The following PDE4D variants were observed in gnomAD, a reference collection of about 807,000 sequenced individuals.
PDE4D encodes 3',5'-cyclic-AMP phosphodiesterase 4D.
PDE4D carries 24 observed loss-of-function variants against 87.4 expected under a neutral mutation model. The observed-to-expected ratio is 0.27, with a 90% CI of 0.20 to 0.39. The LOEUF (loss-of-function observed/expected upper bound fraction) is 0.39, where lower values mean the gene tolerates loss of function less well. Among genes scored for constraint, PDE4D ranks in the 10% least tolerant of loss-of-function variants. The pLI is 1.00. For synonymous variants in PDE4D, 384 were observed against 383.2 expected, an observed-to-expected ratio of 1.00 and a Z score of -0.02; for missense variants, 714 against 1,041.0, an observed-to-expected ratio of 0.69 and a Z score of 4.32.
intron 2 of PDE4D, among the ~76,000 whole-genome samples, chr5:59,992,134 A>C (rs1582081055): frequency 6.6e-6 from 1 of 152,024 alleles, no homozygotes; most frequent in Admixed American, 6.6e-5. Flanking sequence ...GTTCTTAAAC[A>C]GGTGGACTCT....
At position 59,423,273 on chromosome 5, in the gene PDE4D, GTACT is replaced by G. The variant is rs1794734305; in HGVS notation, c.456-207309_456-207306del. 3.9e-5 allele frequency among the ~76,000 whole-genome samples: 6 copies of G among 152,262 alleles called. No homozygotes were observed. The South Asian group carries it at 1.2e-3, about 32-fold the overall frequency. ...TCTCCAAACACTCAGACTATGTTAG[GTACT>G]TATTTTTATACTCTCACTGGGTCCT... On this transcript the variant is annotated intron_variant, in intron 1 of 14. Transcript: ENST00000340635.
At chr5:60,414,076 C>A (rs1742277478) in intron 1 of PDE4D, among the ~76,000 whole-genome samples, 2 of 152,148 alleles carry the variant, frequency 1.3e-5, no homozygotes, top group African/African-American at 2.4e-5. Context: ...GTCATGTATT[C>A]CTTAGTACAT....
At chr5:59,113,073 C>T (rs1201730777) in intron 5 of PDE4D, among the ~76,000 whole-genome samples, 2 of 152,012 alleles carry the variant, frequency 1.3e-5, no homozygotes, top group Non-Finnish European at 1.5e-5. Flanking sequence ...AGTGTCTACC[C>T]TTCCCTTCTT....
intron 2 of PDE4D, among the ~76,000 whole-genome samples, chr5:60,037,440 A>T (rs887824795): frequency 1.3e-5 from 2 of 152,166 alleles, no homozygotes; most frequent in Non-Finnish European, 2.9e-5. Context: ...TATTTCATTA[A>T]TTTATTATTG....
chr5:60,257,383 G>C (rs1010697415), intron 1 of PDE4D, among the ~76,000 whole-genome samples: 1 of 151,822 alleles, frequency 6.6e-6, no homozygotes, highest in Non-Finnish European at 1.5e-5. Flanking sequence ...TATTTTCTTT[G>C]CTATAGGACA....
intron 1 of PDE4D, among the ~76,000 whole-genome samples, chr5:59,742,245 G>A (rs1226268903): frequency 2.0e-5 from 3 of 152,080 alleles, no homozygotes; most frequent in Non-Finnish European, 2.9e-5. Context: ...TATACTTTTA[G>A]TAGAGACGGG....
At chr5:60,363,499 C>T (rs185676024) in intron 1 of PDE4D, among the ~76,000 whole-genome samples, 3 of 152,260 alleles carry the variant, frequency 2.0e-5, no homozygotes, top group Admixed American at 2.0e-4. Context: ...TCACTTCATG[C>T]CAGATACTGT....
chr5:59,190,816 A>G (rs1342871638), intron 3 of PDE4D, among the ~76,000 whole-genome samples: 1 of 151,866 alleles, frequency 6.6e-6, no homozygotes, highest in Non-Finnish European at 1.5e-5. Flanking sequence ...GAGTGGTGAA[A>G]CTCTTCAGGG....
intron 3 of PDE4D, among the ~76,000 whole-genome samples, chr5:59,968,209 C>T (rs1039001792): frequency 1.3e-5 from 2 of 151,870 alleles, no homozygotes; most frequent in Non-Finnish European, 2.9e-5. Context: ...GTTTAGAACT[C>T]CTGACCTCAG....
chr5:60,200,588 A>G (rs1013651227), intron 1 of PDE4D, among the ~76,000 whole-genome samples: 3 of 152,202 alleles, frequency 2.0e-5, no homozygotes, highest in Non-Finnish European at 4.4e-5. Flanking sequence ...CAGTCAGTAC[A>G]TTTGACTCTA....
chr5:59,954,267 G>C (rs1581893395), intron 3 of PDE4D, among the ~76,000 whole-genome samples: 1 of 152,266 alleles, frequency 6.6e-6, no homozygotes, highest in East Asian at 1.9e-4. Context: ...AAATGATATG[G>C]TGACAATTAT....
intron 1 of PDE4D, among the ~76,000 whole-genome samples, chr5:60,406,859 T>A (rs1302187813): frequency 1.3e-5 from 2 of 152,006 alleles, no homozygotes; most frequent in Non-Finnish European, 2.9e-5. Flanking sequence ...TAAATTATGT[T>A]GAAAAAAAAA....
chr5:59,922,553 A>G (rs1048147493), intron 3 of PDE4D, among the ~76,000 whole-genome samples: 1 of 152,082 alleles, frequency 6.6e-6, no homozygotes, highest in Non-Finnish European at 1.5e-5. Context: ...TCATGAGCCC[A>G]CCATTACAGG....
rs914678116 is a variant in PDE4D at position 60,330,942 on chromosome 5, A to G, written c.-89-145255T>C. 3.3e-5 allele frequency among the ~76,000 whole-genome samples: 5 copies of G among 152,170 alleles called. No individual in the cohort carries two copies. In the South Asian group the frequency reaches 6.2e-4, roughly 19 times the overall value. On this transcript the variant is annotated intron_variant, in intron 1 of 16. Transcript: ENST00000502484. ...TCCCTTTCAGTATATTTGACATGAA[A>G]TTCCTCACCTACACCACTGTTGTAT... is the stretch of plus-strand genomic sequence containing the variant.
At chr5:59,024,454 C>G (rs1027039735) in intron 6 of PDE4D, among the ~76,000 whole-genome samples, 1 of 152,158 alleles carries the variant, frequency 6.6e-6, no homozygotes, top group African/African-American at 2.4e-5. Flanking sequence ...TCCTCTGCCT[C>G]CCAAAGTGCT....
intron 3 of PDE4D, among the ~76,000 whole-genome samples, chr5:59,940,529 G>A (rs1178595293): frequency 2.6e-5 from 4 of 152,168 alleles, no homozygotes; most frequent in Non-Finnish European, 5.9e-5. Context: ...TAAGCAGGGA[G>A]CTGTTAGAGA....
intron 1 of PDE4D, among the ~76,000 whole-genome samples, chr5:59,413,943 C>T (rs34084254): frequency 0.17 from 25,792 of 152,072 alleles, 2,918 homozygotes; most frequent in African/African-American, 0.31. Flanking sequence ...TACACACACA[C>T]ATATATATAT....
chr5:60,315,882 G>T (rs367614723), intron 1 of PDE4D, among the ~76,000 whole-genome samples: 67 of 152,090 alleles, frequency 4.4e-4, no homozygotes, highest in Non-Finnish European at 7.7e-4. Context: ...CTGTTTTGGT[G>T]ACTGTAGCCT....
At chr5:59,223,403 T>C (rs980791452) in intron 1 of PDE4D, among the ~76,000 whole-genome samples, 1 of 152,086 alleles carries the variant, frequency 6.6e-6, no homozygotes, top group Non-Finnish European at 1.5e-5. Flanking sequence ...TTTATATTCC[T>C]GTACTCCACT....
Sources: allele counts gnomAD v4.1 joint callset (sites outside exome capture counted in the v4.1 genomes callset), GRCh38; gene constraint gnomAD v4.1.1; transcripts MANE v1.5; gene names NCBI Gene and HGNC (gene_info 2026-07-23, HGNC 2026-07-21).